Variants in CNTN4 observed in about 807,000 individuals in gnomAD.
The protein encoded by CNTN4 is contactin-4.
CNTN4 carries 77 observed loss-of-function variants against 122.5 expected under a neutral mutation model. The observed-to-expected ratio is 0.63, with a 90% CI of 0.52 to 0.76. The LOEUF is 0.76. Ranked by LOEUF, CNTN4 falls within the 30% of genes least tolerant of loss-of-function variation. The pLI, the probability that CNTN4 is intolerant of heterozygous loss-of-function variation, is 0.00. For synonymous variants in CNTN4, 512 were observed against 447.0 expected (o/e 1.15, Z -1.83); for missense variants, 1,256 against 1,259.1 (o/e 1.00, Z 0.04).
intron 14 of CNTN4, among the ~76,000 whole-genome samples, chr3:2,993,411 C>T (rs985225298): frequency 4.6e-5 from 7 of 151,680 alleles, no homozygotes; most frequent in African/African-American, 1.7e-4. Flanking sequence ...GATTCTCCTG[C>T]CTCAGTCTCC....
intron 13 of CNTN4, among the ~76,000 whole-genome samples, chr3:2,944,497 A>G (rs1454326940): frequency 2.6e-5 from 4 of 152,128 alleles, no homozygotes; most frequent in African/African-American, 7.2e-5. Context: ...CTGCTCCTCC[A>G]TAGAACCATT....
intron 2 of CNTN4, among the ~76,000 whole-genome samples, chr3:2,140,334 TGC>T (rs2034931876): frequency 2.6e-5 from 4 of 152,216 alleles, no homozygotes; most frequent in Admixed American, 2.6e-4. Context: ...AGAAGATAAG[TGC>T]CTCTGTTGCC....
chr3:2,599,382 G>A (rs774244671), intron 4 of CNTN4, among the ~76,000 whole-genome samples: 3 of 152,196 alleles, frequency 2.0e-5, no homozygotes, highest in African/African-American at 4.8e-5. Context: ...CTAACATGTA[G>A]CATTGCCATC....
intron 7 of CNTN4, among the ~76,000 whole-genome samples, chr3:2,855,129 G>T (rs1330969872): frequency 6.6e-6 from 1 of 152,112 alleles, no homozygotes; most frequent in Non-Finnish European, 1.5e-5. Context: ...TAAATACTGT[G>T]GCATACAAAA....
rs148079290 is a variant in CNTN4 at position 2,115,049 on chromosome 3, A to C, written c.-145+14410A>C. Among the ~76,000 whole-genome samples the C allele has an allele frequency of 5.9e-5, 9 of 152,320 alleles. No individual in the cohort carries two copies. In the East Asian group the frequency reaches 1.4e-3, roughly 23 times the overall value. ...CTGTTTGCAGTCTTGTGTGATGATG[A>C]AACCTCAGCCCACCCTCCTAATAGG... On this transcript the variant is annotated intron_variant, in intron 2 of 24. Transcript: ENST00000418658.
rs146654040 is a variant in CNTN4 at position 2,371,863 on chromosome 3, T to C, written c.-89+32630T>C. Among the ~76,000 whole-genome samples, 6 of 152,344 alleles carry C rather than the reference T, an allele frequency of 3.9e-5. No individual in the cohort carries two copies. In the East Asian group the frequency reaches 1.2e-3, roughly 29 times the overall value. On this transcript the variant is annotated intron_variant, in intron 3 of 24. Transcript: ENST00000418658. ...ACTAATTTCCTCTGGCAGGCAGTGA[T>C]TGGGAAACATGGTAAATAATCAGCG...
intron 2 of CNTN4, among the ~76,000 whole-genome samples, chr3:2,182,924 A>T (rs193209805): frequency 6.6e-6 from 1 of 151,912 alleles, no homozygotes; most frequent in Non-Finnish European, 1.5e-5. Flanking sequence ...TATATTGAAC[A>T]TGCTTTTGGT....
intron 14 of CNTN4, among the ~76,000 whole-genome samples, chr3:3,008,178 G>GT (rs539088796): frequency 2.7e-4 from 41 of 152,278 alleles, no homozygotes; most frequent in African/African-American, 8.4e-4. Context: ...TTTATATCAA[G>GT]TTTAGACAGT....
chr3:2,489,296 C>A (rs2076248465), intron 3 of CNTN4, among the ~76,000 whole-genome samples: 1 of 152,162 alleles, frequency 6.6e-6, no homozygotes, highest in African/African-American at 2.4e-5. Flanking sequence ...GTGATTAAGG[C>A]TTCCCAGGCC....
At chr3:2,918,079 C>T (rs961374433) in intron 12 of CNTN4, among the ~76,000 whole-genome samples, 1 of 152,164 alleles carries the variant, frequency 6.6e-6, no homozygotes, top group Non-Finnish European at 1.5e-5. Context: ...GAACATAGCA[C>T]AAAGGCAAAA....
At chr3:2,118,957 G>A (rs1368519585) in intron 2 of CNTN4, among the ~76,000 whole-genome samples, 1 of 152,204 alleles carries the variant, frequency 6.6e-6, no homozygotes, top group Non-Finnish European at 1.5e-5. Context: ...AAGTGTAATG[G>A]TTAATTTTAT....
intron 4 of CNTN4, among the ~76,000 whole-genome samples, chr3:2,626,365 T>C (rs111339546): frequency 0.11 from 16,858 of 151,410 alleles, 1,132 homozygotes; most frequent in Admixed American, 0.2. Context: ...GGCGTGGTGG[T>C]GGGCACCTGT....
intron 4 of CNTN4, among the ~76,000 whole-genome samples, chr3:2,606,066 A>G (rs1285715778): frequency 1.3e-5 from 2 of 152,124 alleles, no homozygotes; most frequent in Non-Finnish European, 2.9e-5. Context: ...AGGCAGACAC[A>G]CATGTAGTGC....
At chr3:3,009,496 C>T (rs367575399) in intron 14 of CNTN4, among the ~76,000 whole-genome samples, 20 of 151,582 alleles carry the variant, frequency 1.3e-4, no homozygotes, top group Non-Finnish European at 2.2e-4. Flanking sequence ...TGCAGTGGCG[C>T]GATCTCAGCT....
At chr3:2,181,697 C>T (rs1475378368) in intron 2 of CNTN4, among the ~76,000 whole-genome samples, 1 of 152,022 alleles carries the variant, frequency 6.6e-6, no homozygotes, top group East Asian at 1.9e-4. Flanking sequence ...TGGATTAGTA[C>T]CTTTCATTCT....
At chr3:2,896,071 GA>G (rs201922867) in intron 10 of CNTN4, among the ~76,000 whole-genome samples, 1,833 of 152,066 alleles carry the variant, frequency 0.012, 56 homozygotes, top group African/African-American at 0.042. Context: ...CAAATCAAAT[GA>G]AAAGGAGTGT....
chr3:2,870,446 A>C (rs2093771793), intron 8 of CNTN4, among the ~76,000 whole-genome samples: 1 of 152,186 alleles, frequency 6.6e-6, no homozygotes, highest in African/African-American at 2.4e-5. Context: ...TTATTAAATT[A>C]GCTGTTTTCT....
chr3:2,205,399 A>T (rs948233709), intron 2 of CNTN4, among the ~76,000 whole-genome samples: 1 of 151,186 alleles, frequency 6.6e-6, no homozygotes, highest in Non-Finnish European at 1.5e-5. Flanking sequence ...GTAATTACAA[A>T]ATTAAACCTA....
At chr3:2,386,734 G>C (rs539424201) in intron 3 of CNTN4, among the ~76,000 whole-genome samples, 3 of 152,130 alleles carry the variant, frequency 2.0e-5, no homozygotes, top group African/African-American at 7.2e-5. Flanking sequence ...ACATTTCAAC[G>C]AATTATTAAG....
Sources: allele counts gnomAD v4.1 joint callset (sites outside exome capture counted in the v4.1 genomes callset), GRCh38; gene constraint gnomAD v4.1.1; transcripts MANE v1.5; gene names NCBI Gene and HGNC (gene_info 2026-07-23, HGNC 2026-07-21).